The following USP42 variants were observed in gnomAD, a reference collection of about 807,000 sequenced individuals.
The protein encoded by USP42 is ubiquitin specific peptidase 42.
A neutral mutation model predicts 113.0 loss-of-function variants in USP42; 23 were observed. The ratio of observed to expected loss-of-function variants is 0.20; its 90% CI spans 0.15 to 0.29. The LOEUF (loss-of-function observed/expected upper bound fraction) is 0.29, where lower values mean the gene tolerates loss of function less well. USP42 is among the 10% of genes least tolerant of loss of function. USP42 has a pLI of 1.00. For synonymous variants in USP42, 933 were observed against 699.0 expected (o/e 1.33, Z -5.28); for missense variants, 2,174 against 1,779.8 (o/e 1.22, Z -3.99).
chr7:6,159,548 C>A lies in USP42; in HGVS notation c.*36+55C>A. The A allele has an allele frequency of 6.5e-7, 1 of 1,544,736 alleles. No individual in the cohort carries two copies. The highest frequency in any genetic ancestry group is 1.1e-5 in the South Asian group (1 of 88,970). On this transcript the variant is annotated intron_variant, in intron 17 of 17. Coordinates refer to ENST00000306177, the MANE Select transcript of USP42 (RefSeq NM_032172.3). This position sits in a 1 kb window ranked among gnomAD's most constrained non-coding sequence, Gnocchi z 4.1. ...TGTTTGTGGTGGCGCTGAGGGGACG[C>A]AGGCAGAGGAGTTTTAATTCTGCGG...
chr7:6,114,985 C>T (rs978426033), intron 2 of USP42, among the ~76,000 whole-genome samples: 1 of 151,766 alleles, frequency 6.6e-6, no homozygotes, highest in African/African-American at 2.4e-5. Context: ...CCACTGTGCC[C>T]GGCCCTATAT....
At chr7:6,160,064 G>A (rs1782685406) in intron 17 of USP42, among the ~76,000 whole-genome samples, 1 of 152,250 alleles carries the variant, frequency 6.6e-6, no homozygotes, top group Admixed American at 6.5e-5. Context: ...GCGGTCCTGG[G>A]AGAGTCACTG....
At chr7:6,114,672 ATATATATTTTTTTT>A (rs1476550330) in intron 2 of USP42, among the ~76,000 whole-genome samples, 108 of 33,716 alleles carry the variant, frequency 3.2e-3, no homozygotes, top group African/African-American at 8.2e-3. Context: ...ATATATATAT[ATATATATTTTTTTT>A]TTTTTTTTTT....
rs535567857 is a variant in USP42 at position 6,139,635 on chromosome 7, A to T, written c.656+441A>T. Reference sequence around the variant, plus strand: ...AAATCTAAATGCAGACTCAAGAGGAAGAACGAGGGGACAGATAATGCATCC... The same window carrying T: ...AAATCTAAATGCAGACTCAAGAGGATGAACGAGGGGACAGATAATGCATCC... On this transcript the variant is annotated intron_variant, in intron 5 of 17. Transcript: ENST00000306177. The surrounding 1 kb of genome is among the most constrained non-coding windows in gnomAD (Gnocchi z 4.5). The T allele has an allele frequency of 4.9e-6, 1 of 202,078 alleles. No homozygotes were observed. Among genetic ancestry groups the T allele is most frequent in the South Asian group, 8.9e-5 (1 of 11,184 alleles). 12.5% of individuals were successfully genotyped at this position (202,078 alleles called of 1,614,324 possible). A position where few individuals can be genotyped will look rare whatever the true frequency, so the allele number is the denominator to read the frequency against.
At chr7:6,120,114 G>T (rs1453669370) in intron 3 of USP42, among the ~76,000 whole-genome samples, 1 of 152,186 alleles carries the variant, frequency 6.6e-6, no homozygotes, top group Non-Finnish European at 1.5e-5. Context: ...ACAGGTGCCT[G>T]CCACCACGCC....
In USP42 at chr7:6,159,232, G is replaced by T. The variant is rs1782632887; in HGVS notation, c.3944-218G>T. 6.6e-6 allele frequency among the ~76,000 whole-genome samples: 1 copy of T among 152,188 alleles called. No homozygotes were observed. The highest frequency in any genetic ancestry group is 6.5e-5 in the Admixed American group (1 of 15,272). ...TCAGGCTGCGTGTGGGTTGGATGGAGCCCTCAGTCATCACGTAAACCCTTT... is the reference window on the plus strand; with the variant it reads ...TCAGGCTGCGTGTGGGTTGGATGGATCCCTCAGTCATCACGTAAACCCTTT... On this transcript the variant is annotated intron_variant, in intron 16 of 17. Transcript: ENST00000306177. This position sits in a 1 kb window ranked among gnomAD's most constrained non-coding sequence, Gnocchi z 4.1.
At chr7:6,100,432 C>T (rs538291205), upstream of USP42, among the ~76,000 whole-genome samples, 1 of 150,886 alleles carries the variant, frequency 6.6e-6, no homozygotes, top group African/African-American at 2.5e-5. Context: ...TGGGTTCAAG[C>T]GATTCTCTTG....
chr7:6,082,407 C>A, the USP42 span, among the ~76,000 whole-genome samples: 2 of 151,362 alleles, frequency 1.3e-5, no homozygotes, highest in Non-Finnish European at 1.5e-5. Context: ...GGATTACAGG[C>A]GTGAGCCACC....
intron 11 of USP42, 138 bp from the exon 12 acceptor site, chr7:6,147,601 T>A: frequency 3.3e-6 from 3 of 918,700 alleles, no homozygotes; most frequent in Non-Finnish European, 4.7e-6. Context: ...TGTGTATAGC[T>A]CCATACTGTG....
At chr7:6,083,559 A>AATACATATATATGTATGT in the USP42 span, among the ~76,000 whole-genome samples, 1 of 150,524 alleles carries the variant, frequency 6.6e-6, no homozygotes, top group Non-Finnish European at 1.5e-5. Flanking sequence ...CCTAGCCTTA[A>AATACATATATATGTATGT]ATACATATAT....
At chr7:6,096,923 C>CT in the USP42 span, among the ~76,000 whole-genome samples, 1,931 of 113,558 alleles carry the variant, frequency 0.017, 31 homozygotes, top group Middle Eastern at 0.064. Flanking sequence ...TTCTTTCTTT[C>CT]TTTCTTTTCT....
chr7:6,134,169 G>A (rs976904863), intron 3 of USP42, among the ~76,000 whole-genome samples: 19 of 152,026 alleles, frequency 1.2e-4, no homozygotes, highest in African/African-American at 3.4e-4. Flanking sequence ...GGGATTACAG[G>A]TATGAGCCAC....
intron 12 of USP42, among the ~76,000 whole-genome samples, chr7:6,149,273 G>T (rs1364075816): frequency 6.6e-6 from 1 of 152,172 alleles, no homozygotes; most frequent in Non-Finnish European, 1.5e-5. Flanking sequence ...GGTAGCAAGT[G>T]TGTGACTCCA....
intron 1 of USP42, among the ~76,000 whole-genome samples, chr7:6,107,514 A>T (rs1409957765): frequency 6.8e-6 from 1 of 146,882 alleles, no homozygotes; most frequent in East Asian, 2.0e-4. Flanking sequence ...GGTTCAAGGG[A>T]TTCTCCTGCC....
At position 6,161,079 on chromosome 7, in the gene USP42, A is replaced by G. The variant is rs1782749897; in HGVS notation, c.*561A>G. ...CAAGATTTGAAGATGTATTTTATAG[A>G]CAAGTTCTGTTTTTGAACTTTGTGG... On this transcript the variant is annotated 3_prime_UTR_variant, in exon 18 of 18. Transcript: ENST00000306177. The G allele has an allele frequency of 6.5e-6, 1 of 152,686 alleles. No individual in the cohort carries two copies. The highest frequency in any genetic ancestry group is 6.5e-5 in the Admixed American group (1 of 15,282). The allele number at this position is 152,686 out of a possible 1,614,324, so 9.5% of individuals were successfully genotyped here.
chr7:6,159,501 G>A lies in USP42; in HGVS notation c.*36+8G>A. 2.5e-6 allele frequency: 4 copies of A among 1,613,024 alleles called. No homozygotes were observed. The highest frequency in any genetic ancestry group is 3.4e-6 in the Non-Finnish European group (4 of 1,179,084). On this transcript the variant is annotated splice_region_variant and intron_variant, in intron 17 of 17. Coordinates refer to ENST00000306177, the MANE Select transcript of USP42 (RefSeq NM_032172.3). This position sits in a 1 kb window ranked among gnomAD's most constrained non-coding sequence, Gnocchi z 4.1. ...AAAAATTCACTAGTTATGGTAAGCT[G>A]TTTTCCTGTCTGTTTCCTCATTGTT...
At chr7:6,083,779 G>A in the USP42 span, among the ~76,000 whole-genome samples, 1 of 150,628 alleles carries the variant, frequency 6.6e-6, no homozygotes, top group South Asian at 2.1e-4. Context: ...TCCATCTTAG[G>A]GCATGTAAAT....
Position 6,154,789 on chromosome 7 carries a change from G to A in USP42, c.3235G>A (p.Gly1079Ser). Residue 1079 changes from glycine to serine, a missense_variant, in exon 15 of 18, where the codon GGC (glycine) becomes AGC (serine). Coordinates refer to ENST00000306177, the MANE Select transcript of USP42 (RefSeq NM_032172.3). ...TGCCCGGGACTGGAAGCCCTTCCAC[G>A]GCGGCCGCGAGCACGAGCGGGCCGG... ...YAARDWKPFH[G>S]GREHERAGLH... 1.3e-6 allele frequency: 2 copies of A among 1,548,480 alleles called. No homozygotes were observed. The highest frequency in any genetic ancestry group is 1.7e-6 in the Non-Finnish European group (2 of 1,146,270).
the USP42 span, among the ~76,000 whole-genome samples, chr7:6,086,875 G>A: frequency 6.7e-6 from 1 of 150,326 alleles, no homozygotes; most frequent in Non-Finnish European, 1.5e-5. Flanking sequence ...ACAGGCGTCT[G>A]CCACCATACC....
Sources: gnomAD v4.1 joint callset for allele counts (sites outside exome capture counted in the v4.1 genomes callset) on GRCh38, gnomAD v4.1.1 for gene constraint, Gnocchi (gnomAD v3.1) non-coding constraint, MANE v1.5 for transcripts, NCBI Gene and HGNC (gene_info 2026-07-23, HGNC 2026-07-21) for gene names.